The following ATM variants were observed in gnomAD, a reference collection of about 807,000 sequenced individuals.
The protein encoded by ATM is ATM serine/threonine kinase, also known as serine-protein kinase ATM.
ATM carries 308 observed loss-of-function variants against 387.0 expected under a neutral mutation model. That is an observed-to-expected ratio of 0.80 (90% confidence interval 0.73 to 0.87). The LOEUF is 0.87. Among genes scored for constraint, ATM ranks in the 40% least tolerant of loss-of-function variants. The pLI is 0.00. For synonymous variants in ATM, 1,156 were observed against 1,187.3 expected (o/e 0.97, Z 0.54); for missense variants, 3,312 against 3,560.9 (o/e 0.93, Z 1.78).
chr11:108,279,650 C>T, intron 23 of ATM, 42 bp downstream of exon 23: 1 of 1,406,108 alleles, frequency 7.1e-7, no homozygotes. Context: ...CATATGCTTG[C>T]TATGAATATC....
intron 61 of ATM, among the ~76,000 whole-genome samples, chr11:108,356,855 TTGAG>T (rs1188979904): frequency 6.6e-6 from 1 of 152,162 alleles, no homozygotes; most frequent in Non-Finnish European, 1.5e-5. Flanking sequence ...TGGATTTCCT[TTGAG>T]TGAGGGTTTT....
intron 33 of ATM, among the ~76,000 whole-genome samples, chr11:108,298,197 TAA>T (rs1037059617): frequency 1.3e-5 from 2 of 152,218 alleles, no homozygotes; most frequent in African/African-American, 4.8e-5. Flanking sequence ...ATCACCTGGT[TAA>T]AGTCAGCTTG....
rs1339794219 is a variant in ATM at position 108,326,081 on chromosome 11, A to T, written c.6831A>T (p.Gln2277His). 7 of 1,614,126 alleles carry T rather than the reference A, an allele frequency of 4.3e-6. No individual in the cohort carries two copies. Among genetic ancestry groups the T allele is most frequent in the Middle Eastern group, 1.7e-4 (1 of 6,060 alleles). Residue 2277 changes from glutamine (Q) to histidine (H), a missense_variant, in exon 47 of 63, where the codon CAA becomes CAT. Coordinates refer to ENST00000675843, the MANE Select transcript of ATM (RefSeq NM_000051.4). ...AGCTCCCTGAAAGGGCAATATTTCA[A>T]ATTAAACAGTACAATTCAGTTAGCT... ...NTQLPERAIF[Q>H]IKQYNSVSCG...
At chr11:108,258,250 T>G (rs2080630625) in intron 15 of ATM, among the ~76,000 whole-genome samples, 1 of 152,204 alleles carries the variant, frequency 6.6e-6, no homozygotes, top group Non-Finnish European at 1.5e-5. Context: ...TACATAAAGG[T>G]AATATCCAGA....
At chr11:108,265,705 A>C (rs1161217103) in intron 16 of ATM, among the ~76,000 whole-genome samples, 3,390 of 144,082 alleles carry the variant, frequency 0.024, 129 homozygotes, top group African/African-American at 0.084. Context: ...CAACCTACAA[A>C]ATGGGAGAAA....
chr11:108,225,023 AAAC>A (rs1372097311), intron 1 of ATM: 1 of 152,248 alleles, frequency 6.6e-6, no homozygotes, highest in African/African-American at 2.4e-5. Context: ...AAGGTAAGAA[AAAC>A]AAGTTCAAGG....
At position 108,289,529 on chromosome 11, in the gene ATM, A is replaced by G. The variant is rs554765347; in HGVS notation, c.4237-73A>G. ...TGTAGGTATTCAAATATTTGAAGAA[A>G]AAATATAAAGTGTATTTATTGTAGC... On this transcript the variant is annotated intron_variant, in intron 28 of 62. Coordinates refer to ENST00000675843, the MANE Select transcript of ATM (RefSeq NM_000051.4). 1.7e-4 allele frequency: 189 copies of G among 1,139,220 alleles called. 1 individual carries two copies. The African/African-American group carries it at 2.4e-3, about 14-fold the overall frequency. The allele number at this position is 1,139,220 out of a possible 1,614,324, so 70.6% of individuals were successfully genotyped here. A position where few individuals can be genotyped will look rare whatever the true frequency, so the allele number is the denominator to read the frequency against.
At chr11:108,235,595 TTAAA>T (rs1223825703) in intron 4 of ATM, 71 bp from the exon 5 acceptor site, 1 of 1,319,202 alleles carries the variant, frequency 7.6e-7, no homozygotes, top group Non-Finnish European at 1.1e-6. Context: ...ATGGAATTAT[TTAAA>T]TAGTTGCCAT....
intron 61 of ATM, 49 bp downstream of exon 61, chr11:108,354,923 C>G (rs2137360434): frequency 6.8e-7 from 1 of 1,471,110 alleles, no homozygotes; most frequent in African/African-American, 1.4e-5. Flanking sequence ...ACCAGGTAGA[C>G]TGTGTATCTC....
chr11:108,368,853 T>C lies in ATM; in HGVS notation c.*3345T>C, dbSNP rs1161745621. 2 of 201,856 alleles carry C rather than the reference T, an allele frequency of 9.9e-6. No homozygotes were observed. The highest frequency in any genetic ancestry group is 4.6e-5 in the African/African-American group (2 of 43,632). 12.5% of individuals were successfully genotyped at this position (201,856 alleles called of 1,614,324 possible). On this transcript the variant is annotated 3_prime_UTR_variant, in exon 63 of 63. Transcript: ENST00000675843. ...TATGCACTTAGGAATGCTAAAAATTTAAATATGGTCTAAAGCAAATAAAAG... is the reference window on the plus strand; with the variant it reads ...TATGCACTTAGGAATGCTAAAAATTCAAATATGGTCTAAAGCAAATAAAAG...
intron 16 of ATM, among the ~76,000 whole-genome samples, chr11:108,261,182 G>A (rs566030474): frequency 1.3e-5 from 2 of 152,340 alleles, no homozygotes; most frequent in South Asian, 4.1e-4. Flanking sequence ...ACCTCTGGGG[G>A]CAGGGCACAA....
At position 108,271,103 on chromosome 11, in the gene ATM, C is replaced by A. The variant is rs876659412; in HGVS notation, c.2878C>A (p.Pro960Thr). ...AAAGGAGCTTCCTGGAGAAGAGTAC[C>A]CCTTGCCAATGGAAGATGTTCTTGA... is the stretch of plus-strand genomic sequence containing the variant. ...LLKELPGEEY[P>T]LPMEDVLELL... is the part of the protein sequence containing the mutation. Residue 960 changes from proline to threonine, a missense_variant, in exon 19 of 63, where the codon CCC (proline) becomes ACC (threonine). Physicochemically the swap from Pro to Thr is conservative, Grantham distance 38. Transcript: ENST00000675843. The A allele has an allele frequency of 1.2e-6, 2 of 1,613,960 alleles. No individual in the cohort carries two copies. Among genetic ancestry groups the A allele is most frequent in the Admixed American group, 1.7e-5 (1 of 59,996 alleles).
intron 56 of ATM, among the ~76,000 whole-genome samples, chr11:108,340,598 T>TTA (rs965576061): frequency 3.3e-5 from 5 of 152,226 alleles, no homozygotes; most frequent in Admixed American, 2.6e-4. Context: ...TCTCTGTAGA[T>TTA]ACTAGAGTTT....
intron 29 of ATM, 44 bp from the exon 30 acceptor site, chr11:108,292,575 C>G (rs1441241428): frequency 5.6e-6 from 9 of 1,595,618 alleles, no homozygotes; most frequent in Middle Eastern, 1.7e-4. Context: ...AGTAATTTTC[C>G]AGAACTTACT....
chr11:108,308,019 T>C (rs763965593), intron 38 of ATM, 35 bp downstream of exon 38: 2 of 1,560,564 alleles, frequency 1.3e-6, no homozygotes, highest in Non-Finnish European at 1.8e-6. Flanking sequence ...ACGTTTAGGA[T>C]CTAGAGTGTA....
At chr11:108,306,150 A>G (rs4988053) in intron 37 of ATM, among the ~76,000 whole-genome samples, 2 of 152,154 alleles carry the variant, frequency 1.3e-5, no homozygotes, top group East Asian at 3.8e-4. Flanking sequence ...TTTATATTTT[A>G]TGTATTTTAT....
intron 59 of ATM, among the ~76,000 whole-genome samples, chr11:108,349,859 G>A (rs1012150105): frequency 3.9e-5 from 6 of 152,142 alleles, no homozygotes; most frequent in South Asian, 2.1e-4. Context: ...TAAAGTACGT[G>A]AGTCTGATAG....
At position 108,331,489 on chromosome 11, in the gene ATM, T is replaced by C. The variant is rs2136493941; in HGVS notation, c.7561T>C (p.Tyr2521His). Residue 2521 changes from tyrosine (Y) to histidine (H), a missense_variant, in exon 51 of 63, where the codon TAC (tyrosine) becomes CAC (histidine). This residue lies in a region of ATM where 1,405 missense variants were observed against 1,604.4 expected (regional missense o/e 0.88). Transcript: ENST00000675843. The part of the protein sequence containing the change: ...IPTYKFLPLM[Y>H]QLAARMGTKM... ...AACATATAAATTTTTGCCTCTTATG[T>C]ACCAATTGGCTGCTAGAATGGGGAC... 6.2e-7 allele frequency: 1 copy of C among 1,613,622 alleles called. No individual in the cohort carries two copies. Among genetic ancestry groups the C allele is most frequent in the Non-Finnish European group, 8.5e-7 (1 of 1,179,798 alleles).
rs927827238 is a variant in ATM at position 108,272,426 on chromosome 11, G to A, written c.3078-106G>A. ...TTCCACATAATGACAAATAAGTTTA[G>A]CACAGAAAGACATATTGGAAGTAAC... On this transcript the variant is annotated intron_variant, in intron 20 of 62. Coordinates refer to ENST00000675843, the MANE Select transcript of ATM (RefSeq NM_000051.4). 4 of 944,402 alleles carry A rather than the reference G, an allele frequency of 4.2e-6. No individual in the cohort carries two copies. In the Admixed American group the frequency reaches 6.0e-5, roughly 14 times the overall value. The allele number at this position is 944,402 out of a possible 1,614,324, so 58.5% of individuals were successfully genotyped here.
Sources: allele counts gnomAD v4.1 joint callset (sites outside exome capture counted in the v4.1 genomes callset), GRCh38; gene constraint gnomAD v4.1.1; regional missense constraint gnomAD v4.1.1; transcripts MANE v1.5; gene names NCBI Gene and HGNC (gene_info 2026-07-23, HGNC 2026-07-21).